Variants in EFCAB6 observed in about 807,000 individuals in gnomAD.
EFCAB6 encodes EF-hand calcium-binding domain-containing protein 6.
Under a neutral mutation model 169.8 loss-of-function variants are expected in EFCAB6, and 156 were observed. The observed-to-expected ratio is 0.92, with a 90% CI of 0.81 to 1.05. The LOEUF (loss-of-function observed/expected upper bound fraction) is 1.05. EFCAB6 is among the 50% of genes least tolerant of loss of function. The probability of loss-of-function intolerance (pLI) is 0.00; values close to 1 mark genes in which losing one functional copy is unlikely to be tolerated. For missense variants in EFCAB6, 1,800 were observed against 1,829.1 expected, an observed-to-expected ratio of 0.98 and a Z score of 0.29; for synonymous variants, 698 against 676.4, an observed-to-expected ratio of 1.03 and a Z score of -0.50.
chr22:43,787,707 T>C (rs1483871212), intron 2 of EFCAB6, among the ~76,000 whole-genome samples: 1 of 152,148 alleles, frequency 6.6e-6, no homozygotes, highest in African/African-American at 2.4e-5. Context: ...CCAACTGCCT[T>C]TCTTGAAGAA....
chr22:43,612,206 C>A (rs1229189485), intron 21 of EFCAB6, among the ~76,000 whole-genome samples: 1 of 152,110 alleles, frequency 6.6e-6, no homozygotes, highest in Non-Finnish European at 1.5e-5. Context: ...AAACGTCAAA[C>A]TAAAAACTAT....
intron 27 of EFCAB6, among the ~76,000 whole-genome samples, chr22:43,542,519 G>A (rs1351357952): frequency 2.0e-5 from 3 of 152,218 alleles, no homozygotes; most frequent in Non-Finnish European, 2.9e-5. Flanking sequence ...GGTGGATGCT[G>A]CAGTGAGCCA....
At chr22:43,597,536 C>A (rs1489542695) in intron 23 of EFCAB6, among the ~76,000 whole-genome samples, 1 of 152,120 alleles carries the variant, frequency 6.6e-6, no homozygotes, top group African/African-American at 2.4e-5. Context: ...AAGTTAAAAC[C>A]ACAATGAGAT....
At chr22:43,626,414 T>C in intron 20 of EFCAB6, 33 bp downstream of exon 20, 1 of 1,602,958 alleles carries the variant, frequency 6.2e-7, no homozygotes, top group Non-Finnish European at 8.5e-7. Flanking sequence ...GGCCGGCATA[T>C]ATTAAAGACA....
At chr22:43,585,630 G>A (rs2051014269) in intron 24 of EFCAB6, among the ~76,000 whole-genome samples, 2 of 152,052 alleles carry the variant, frequency 1.3e-5, no homozygotes, top group South Asian at 4.1e-4. Flanking sequence ...ATTAATGACA[G>A]ACAGCAAATT....
rs1417986415 is a variant in EFCAB6 at position 43,744,562 on chromosome 22, T to G, written c.508-8569A>C. On this transcript the variant is annotated intron_variant, in intron 6 of 31. Transcript: ENST00000262726. This position sits in a 1 kb window ranked among gnomAD's most constrained non-coding sequence, Gnocchi z 4.3. ...TTGAGCTGTCCTGTTCCCAAGGGACTGCTCATCAGGGAAGGGGACCCAAGC... is the reference window on the plus strand; with the variant it reads ...TTGAGCTGTCCTGTTCCCAAGGGACGGCTCATCAGGGAAGGGGACCCAAGC... Among the ~76,000 whole-genome samples, 2 of 152,116 alleles carry G rather than the reference T, an allele frequency of 1.3e-5. No individual in the cohort carries two copies. Among genetic ancestry groups the G allele is most frequent in the Non-Finnish European group, 2.9e-5 (2 of 68,006 alleles).
At chr22:43,599,168 A>G (rs1244220417) in intron 23 of EFCAB6, among the ~76,000 whole-genome samples, 2 of 152,108 alleles carry the variant, frequency 1.3e-5, no homozygotes, top group East Asian at 1.9e-4. Flanking sequence ...GGGCAATTTC[A>G]TGCTCTTTCA....
At chr22:43,554,783 G>C in intron 27 of EFCAB6, 86 bp downstream of exon 27, 1 of 1,172,808 alleles carries the variant, frequency 8.5e-7, no homozygotes, top group Non-Finnish European at 1.3e-6. Context: ...ATAGAGAACA[G>C]TCTTAAACTC....
chr22:43,591,873 C>T (rs989253375), intron 23 of EFCAB6, among the ~76,000 whole-genome samples: 2 of 152,182 alleles, frequency 1.3e-5, no homozygotes, highest in Non-Finnish European at 2.9e-5. Context: ...AACAATCTTG[C>T]ACTTGATCTA....
At chr22:43,695,671 C>T (rs1230690336) in intron 10 of EFCAB6, among the ~76,000 whole-genome samples, 1 of 152,060 alleles carries the variant, frequency 6.6e-6, no homozygotes, top group Non-Finnish European at 1.5e-5. Context: ...GAAATATACT[C>T]ACACTTATAT....
chr22:43,676,008 ACT>A lies in EFCAB6; in HGVS notation c.1419+1986_1419+1987del, dbSNP rs1359953301. On this transcript the variant is annotated intron_variant, in intron 13 of 31. Transcript: ENST00000262726. ...CCAGTGACAAGGACATGCGCAGAAC[ACT>A]CTTAGATACCACTGAAAATCTTATT... Among the ~76,000 whole-genome samples, 10 of 151,878 alleles carry A rather than the reference ACT, an allele frequency of 6.6e-5. No homozygotes were observed. The East Asian group carries it at 1.9e-3, about 29-fold the overall frequency.
chr22:43,628,125 AT>A lies in EFCAB6; in HGVS notation c.2233-1447del, dbSNP rs1470107765. ...CTCACATCTCCAGTGGTCTGGGGGCATTTTCTCTGGGATGTCAAACTGAACA... is the reference window on the plus strand; with the variant it reads ...CTCACATCTCCAGTGGTCTGGGGGCATTTCTCTGGGATGTCAAACTGAACA... On this transcript the variant is annotated intron_variant, in intron 19 of 31. Coordinates refer to ENST00000262726, the MANE Select transcript of EFCAB6 (RefSeq NM_022785.4). The surrounding 1 kb of genome is among the most constrained non-coding windows in gnomAD (Gnocchi z 4.8). Among the ~76,000 whole-genome samples the A allele has an allele frequency of 6.6e-6, 1 of 151,706 alleles. No individual in the cohort carries two copies. Among genetic ancestry groups the A allele is most frequent in the Non-Finnish European group, 1.5e-5 (1 of 67,958 alleles).
intron 26 of EFCAB6, among the ~76,000 whole-genome samples, chr22:43,557,546 A>G (rs1324956493): frequency 2.6e-5 from 4 of 152,232 alleles, no homozygotes; most frequent in Non-Finnish European, 5.9e-5. Flanking sequence ...TCTACCATCT[A>G]TCATTAAAAA....
At chr22:43,774,337 G>A (rs535339246) in intron 3 of EFCAB6, among the ~76,000 whole-genome samples, 1 of 150,808 alleles carries the variant, frequency 6.6e-6, no homozygotes, top group East Asian at 2.0e-4. Flanking sequence ...TCTGCTTGAG[G>A]GGATACAAGA....
Position 43,576,505 on chromosome 22 carries a change from G to A in EFCAB6, c.3229-17C>T, listed in dbSNP as rs1280943756. The stretch of plus-strand genomic sequence containing the variant: ...AGAAAATGCCTAAAAAGAAAGAAAA[G>A]AAAAAAAGATGGCAAATCCTGTCAA... On this transcript the variant is annotated splice_polypyrimidine_tract_variant and intron_variant, in intron 25 of 31. Coordinates refer to ENST00000262726, the MANE Select transcript of EFCAB6 (RefSeq NM_022785.4). 1 of 1,505,002 alleles carries A rather than the reference G, an allele frequency of 6.6e-7. No individual in the cohort carries two copies. Among genetic ancestry groups the A allele is most frequent in the Admixed American group, 2.6e-5 (1 of 38,000 alleles). 93.2% of individuals were successfully genotyped at this position (1,505,002 alleles called of 1,614,324 possible).
intron 10 of EFCAB6, 33 bp downstream of exon 10, chr22:43,711,441 GA>G (rs35670189): frequency 1.4e-5 from 22 of 1,531,594 alleles, no homozygotes; most frequent in Admixed American, 1.2e-4. Flanking sequence ...GACGTTTGGG[GA>G]AAAAAATGTC....
Position 43,626,407 on chromosome 22 carries a change from C to T in EFCAB6, c.2465+40G>A, listed in dbSNP as rs745898042. 1.3e-5 allele frequency: 21 copies of T among 1,588,076 alleles called. 1 individual carries two copies. The highest frequency in any genetic ancestry group is 5.1e-5 in the Admixed American group (3 of 58,766). On this transcript the variant is annotated intron_variant, in intron 20 of 31. Coordinates refer to ENST00000262726, the MANE Select transcript of EFCAB6 (RefSeq NM_022785.4). Reference sequence around the variant, plus strand: ...TGCTGGACGTCACAGTGGCACGGGCCGGCATATATTAAAGACACAGACCCG... The same window carrying T: ...TGCTGGACGTCACAGTGGCACGGGCTGGCATATATTAAAGACACAGACCCG...
At chr22:43,735,393 T>C (rs1452346567) in intron 7 of EFCAB6, among the ~76,000 whole-genome samples, 1 of 151,890 alleles carries the variant, frequency 6.6e-6, no homozygotes, top group Non-Finnish European at 1.5e-5. Flanking sequence ...CAAAGGAAAA[T>C]TAAGTCTCCA....
At chr22:43,596,222 CA>C (rs2051995672) in intron 23 of EFCAB6, among the ~76,000 whole-genome samples, 1 of 152,046 alleles carries the variant, frequency 6.6e-6, no homozygotes, top group Non-Finnish European at 1.5e-5. Flanking sequence ...TTCTATTCAA[CA>C]CAGTACTGGA....
Sources: gnomAD v4.1 joint callset for allele counts (sites outside exome capture counted in the v4.1 genomes callset) on GRCh38, gnomAD v4.1.1 for gene constraint, Gnocchi (gnomAD v3.1) non-coding constraint, MANE v1.5 for transcripts, NCBI Gene and HGNC (gene_info 2026-07-23, HGNC 2026-07-21) for gene names.